Variants in AHCYL2 observed in about 807,000 individuals in gnomAD.
AHCYL2 encodes the protein adenosylhomocysteinase like 2.
In AHCYL2, 28 loss-of-function variants were observed where a neutral mutation model predicts 81.4. The observed-to-expected ratio is 0.34, with a 90% CI of 0.25 to 0.47. The LOEUF is 0.47. Ranked by LOEUF, AHCYL2 falls within the 20% of genes least tolerant of loss-of-function variation. The pLI is 1.00. For missense variants in AHCYL2, 551 were observed against 785.1 expected, an observed-to-expected ratio of 0.70 and a Z score of 3.56; for synonymous variants, 272 against 290.2, an observed-to-expected ratio of 0.94 and a Z score of 0.64.
At chr7:129,251,614 G>A (rs568322528) in intron 1 of AHCYL2, among the ~76,000 whole-genome samples, 6 of 152,078 alleles carry the variant, frequency 3.9e-5, no homozygotes, top group South Asian at 4.1e-4. Context: ...CTGCCTTGGC[G>A]TCCCAAAGTG....
At chr7:129,334,589 C>T (rs1227527110) in intron 1 of AHCYL2, among the ~76,000 whole-genome samples, 1 of 152,180 alleles carries the variant, frequency 6.6e-6, no homozygotes, top group African/African-American at 2.4e-5. Context: ...TGCACTTCTA[C>T]TATCACTGCT....
chr7:129,374,867 T>TC lies in AHCYL2; in HGVS notation c.364-4771_364-4770insC, dbSNP rs1201388021. Among the ~76,000 whole-genome samples, 3 of 142,500 alleles carry TC rather than the reference T, an allele frequency of 2.1e-5. No individual in the cohort carries two copies. In the East Asian group the frequency reaches 6.2e-4, roughly 29 times the overall value. 93.5% of individuals were successfully genotyped at this position (142,500 alleles called of 152,430 possible). A position where few individuals can be genotyped will look rare whatever the true frequency, so the allele number is the denominator to read the frequency against. The stretch of plus-strand genomic sequence containing the variant: ...CTTTCTTGTGCTCAACAAGCAGTCT[T>TC]TTTTTTTTTTTTAATTAAGGAAGAA... On this transcript the variant is annotated intron_variant, in intron 1 of 16. Transcript: ENST00000325006.
intron 1 of AHCYL2, among the ~76,000 whole-genome samples, chr7:129,258,724 T>C (rs1795516799): frequency 6.6e-6 from 1 of 152,168 alleles, no homozygotes; most frequent in Non-Finnish European, 1.5e-5. Flanking sequence ...AAAATCCTTT[T>C]GTAGGTCATG....
At chr7:129,424,980 A>C (rs757487058) in intron 14 of AHCYL2, 38 bp downstream of exon 14, 2 of 1,613,468 alleles carry the variant, frequency 1.2e-6, no homozygotes, top group Non-Finnish European at 1.7e-6. Flanking sequence ...AGTCTGGAGA[A>C]GGTCCTCAGA....
At chr7:129,354,568 T>G (rs1312762981) in intron 1 of AHCYL2, among the ~76,000 whole-genome samples, 1 of 152,206 alleles carries the variant, frequency 6.6e-6, no homozygotes, top group Non-Finnish European at 1.5e-5. Flanking sequence ...CATTTGGTAA[T>G]GGTAGTCTGC....
At chr7:129,344,920 C>T (rs1000055915) in intron 1 of AHCYL2, among the ~76,000 whole-genome samples, 10 of 152,078 alleles carry the variant, frequency 6.6e-5, no homozygotes, top group South Asian at 2.1e-4. Context: ...TTTGGGAGGC[C>T]GAGGCGGGTG....
intron 1 of AHCYL2, among the ~76,000 whole-genome samples, chr7:129,255,247 C>T (rs1047559137): frequency 1.3e-5 from 2 of 151,326 alleles, no homozygotes; most frequent in East Asian, 1.9e-4. Flanking sequence ...GGTGGCAGAG[C>T]GAGAGTCTGT....
At chr7:129,360,510 C>T (rs1793894830) in intron 1 of AHCYL2, among the ~76,000 whole-genome samples, 1 of 152,210 alleles carries the variant, frequency 6.6e-6, no homozygotes, top group South Asian at 2.1e-4. Flanking sequence ...CATATAACTT[C>T]TGTTCTCAGA....
At chr7:129,279,918 C>A (rs1796369972) in intron 1 of AHCYL2, among the ~76,000 whole-genome samples, 1 of 152,146 alleles carries the variant, frequency 6.6e-6, no homozygotes, top group African/African-American at 2.4e-5. Flanking sequence ...TGGTTTTGGT[C>A]AGCTTCTTTA....
chr7:129,297,482 T>G (rs748463276), intron 1 of AHCYL2, among the ~76,000 whole-genome samples: 1 of 152,174 alleles, frequency 6.6e-6, no homozygotes, highest in African/African-American at 2.4e-5. Context: ...CATGTTGAGA[T>G]AGGAAATTTA....
At chr7:129,299,605 G>A (rs1563186836) in intron 1 of AHCYL2, among the ~76,000 whole-genome samples, 2 of 151,980 alleles carry the variant, frequency 1.3e-5, no homozygotes. Flanking sequence ...ATGTTAGCTA[G>A]GATGGTGTCG....
At chr7:129,236,018 G>A (rs1161117911) in intron 1 of AHCYL2, among the ~76,000 whole-genome samples, 6 of 147,014 alleles carry the variant, frequency 4.1e-5, no homozygotes, top group Non-Finnish European at 9.0e-5. Flanking sequence ...ATCAAAGATA[G>A]CCTTTTTTTT....
At chr7:129,261,073 A>G (rs1310313919) in intron 1 of AHCYL2, among the ~76,000 whole-genome samples, 3 of 152,182 alleles carry the variant, frequency 2.0e-5, no homozygotes, top group African/African-American at 4.8e-5. Flanking sequence ...TACAGGCGTG[A>G]GCCACCGTAC....
At chr7:129,415,069 CTT>C (rs1449386878) in intron 12 of AHCYL2, among the ~76,000 whole-genome samples, 1 of 152,212 alleles carries the variant, frequency 6.6e-6, no homozygotes, top group Non-Finnish European at 1.5e-5. Flanking sequence ...ATTACTCTCT[CTT>C]ACCATGATAT....
chr7:129,347,430 A>G (rs532169845), intron 1 of AHCYL2, among the ~76,000 whole-genome samples: 1 of 152,308 alleles, frequency 6.6e-6, no homozygotes, highest in African/African-American at 2.4e-5. Flanking sequence ...TTTTGCTGTG[A>G]ACCTAAAACT....
intron 1 of AHCYL2, among the ~76,000 whole-genome samples, chr7:129,246,956 A>G (rs1186971407): frequency 2.0e-5 from 3 of 152,104 alleles, no homozygotes; most frequent in African/African-American, 7.2e-5. Flanking sequence ...ACCACATTTT[A>G]TCAGTTTAGT....
At chr7:129,261,108 C>T (rs749112899) in intron 1 of AHCYL2, among the ~76,000 whole-genome samples, 9 of 152,038 alleles carry the variant, frequency 5.9e-5, no homozygotes, top group East Asian at 5.8e-4. Flanking sequence ...ATTTCTTATT[C>T]GCTGTATACT....
intron 1 of AHCYL2, among the ~76,000 whole-genome samples, chr7:129,319,784 T>C (rs777834503): frequency 2.6e-5 from 4 of 152,228 alleles, no homozygotes; most frequent in Non-Finnish European, 5.9e-5. Context: ...TGAATGGATA[T>C]ACTGCAATTT....
At chr7:129,248,736 AT>A (rs1210367251) in intron 1 of AHCYL2, among the ~76,000 whole-genome samples, 2 of 150,270 alleles carry the variant, frequency 1.3e-5, no homozygotes, top group Non-Finnish European at 3.0e-5. Context: ...TTTGATAGGG[AT>A]TTCATTGAAT....
Sources: gnomAD v4.1 joint callset for allele counts (sites outside exome capture counted in the v4.1 genomes callset) on GRCh38, gnomAD v4.1.1 for gene constraint, MANE v1.5 for transcripts, NCBI Gene and HGNC (gene_info 2026-07-23, HGNC 2026-07-21) for gene names.